Variants in NID2 observed in about 807,000 individuals in gnomAD.
The protein encoded by NID2 is nidogen-2.
Under a neutral mutation model 145.4 loss-of-function variants are expected in NID2, and 83 were observed. That is an observed-to-expected ratio of 0.57 (90% CI 0.48 to 0.69). The LOEUF is 0.69. Among genes scored for constraint, NID2 ranks in the 30% least tolerant of loss-of-function variants. The pLI is 0.00. For missense variants in NID2, 1,807 were observed against 1,765.7 expected, an observed-to-expected ratio of 1.02 and a Z score of -0.42; for synonymous variants, 739 against 701.3, an observed-to-expected ratio of 1.05 and a Z score of -0.85.
In NID2 at chr14:52,054,311, G is replaced by C. The variant is rs1251154377; in HGVS notation, c.778C>G (p.Leu260Val). ...SVKNLYQLSN[L>V]GIPGVWAFHI... is the part of the protein sequence containing the mutation. ...AAAGCCCACACTCCAGGGATCCCCA[G>C]GTTGCTTAGTCTAAATAAAAAGGAA... is the stretch of plus-strand genomic sequence containing the variant. Residue 260 changes from leucine (L) to valine (V), a missense_variant, in exon 4 of 22, where the codon CTG (leucine) becomes GTG (valine). By Grantham distance (32) the Leu-to-Val change is conservative. Coordinates refer to ENST00000216286, the MANE Select transcript of NID2 (RefSeq NM_007361.4). The C allele has an allele frequency of 1.9e-6, 3 of 1,611,478 alleles. No individual in the cohort carries two copies. Among genetic ancestry groups the C allele is most frequent in the Non-Finnish European group, 2.5e-6 (3 of 1,178,224 alleles).
intron 12 of NID2, among the ~76,000 whole-genome samples, chr14:52,021,997 A>G (rs548729460): frequency 3.9e-5 from 6 of 152,330 alleles, no homozygotes; most frequent in Non-Finnish European, 5.9e-5. Context: ...AGCTATTCAC[A>G]ATACGCATGC....
At chr14:52,064,103 C>A (rs1893109328) in intron 2 of NID2, among the ~76,000 whole-genome samples, 1 of 152,112 alleles carries the variant, frequency 6.6e-6, no homozygotes, top group South Asian at 2.1e-4. Flanking sequence ...CTCCAGAAGT[C>A]AAAAAGCTAC....
intron 7 of NID2, 138 bp downstream of exon 7, chr14:52,041,967 G>T: frequency 9.0e-7 from 1 of 1,107,536 alleles, no homozygotes; most frequent in Non-Finnish European, 1.2e-6. Flanking sequence ...CCTGTGGCCA[G>T]AAAACTACAC....
rs1890722030 is a variant in NID2, at chr14:52,005,294, T to TA, written c.*191dup. 2.3e-6 allele frequency: 1 copy of TA among 430,324 alleles called. No individual in the cohort carries two copies. The highest frequency in any genetic ancestry group is 2.0e-5 in the African/African-American group (1 of 49,050). 26.7% of individuals were successfully genotyped at this position (430,324 alleles called of 1,614,324 possible). ...AACTTGCAATAACAACCTTCATTTT[T>TA]AAAAATACAGTAGTAAAGATTGAGG... is the stretch of plus-strand genomic sequence containing the variant. On this transcript the variant is annotated 3_prime_UTR_variant, in exon 22 of 22. Transcript: ENST00000216286.
rs35147930 is a variant in NID2 at position 52,038,828 on chromosome 14, C to A, written c.2176G>T (p.Val726Leu). 3 of 1,613,900 alleles carry A rather than the reference C, an allele frequency of 1.9e-6. No homozygotes were observed. The South Asian group carries it at 3.3e-5, about 18-fold the overall frequency. Residue 726 changes from valine to leucine, a missense_variant, in exon 9 of 22, where the codon GTG (valine) becomes TTG (leucine). Physicochemically the swap from Val to Leu is conservative, Grantham distance 32. Transcript: ENST00000216286. ...TTATACAAGGCAAAGACCCGGTCCA[C>A]GTTCAGCTGCTGGGTGGTGGGGAAG... is the stretch of plus-strand genomic sequence containing the variant. ...PSFPTTQQLNVDRVFALYNDE... is the reference protein window; with the variant it reads ...PSFPTTQQLNLDRVFALYNDE...
chr14:52,027,115 T>TA, intron 12 of NID2, 86 bp downstream of exon 12: 1 of 1,318,554 alleles, frequency 7.6e-7, no homozygotes, highest in South Asian at 2.0e-5. Flanking sequence ...GGAAGTCCTT[T>TA]GTCTTTTCTG....
In NID2 at chr14:52,055,529, G is replaced by A. The variant is rs1001876741; in HGVS notation, c.768-1208C>T. On this transcript the variant is annotated intron_variant, in intron 3 of 21. Coordinates refer to ENST00000216286, the MANE Select transcript of NID2 (RefSeq NM_007361.4). ...AAAGACTTCTGGAAACAGCTCTCTC[G>A]TTTTCTCCATGAGAAAAGAACATGA... 1.1e-4 allele frequency among the ~76,000 whole-genome samples: 16 copies of A among 152,212 alleles called. No individual in the cohort carries two copies. In the South Asian group the frequency reaches 1.5e-3, roughly 14 times the overall value.
intron 9 of NID2, among the ~76,000 whole-genome samples, chr14:52,031,265 G>A (rs35707991): frequency 0.068 from 10,355 of 152,212 alleles, 390 homozygotes; most frequent in Middle Eastern, 0.13. Flanking sequence ...ATAGGAACAT[G>A]TACATCTGCC....
At chr14:52,014,967 A>AT in intron 15 of NID2, 87 bp downstream of exon 15, 1 of 1,084,868 alleles carries the variant, frequency 9.2e-7, no homozygotes, top group South Asian at 1.4e-5. Context: ...GTGACCCCAC[A>AT]TGTCCCCCCA....
chr14:52,054,248 G>C lies in NID2; in HGVS notation c.841C>G (p.Pro281Ala), dbSNP rs1595050901. Reference protein sequence around the residue: ...GSTSPLDNVRPAAVGDLSAAH... With the variant: ...GSTSPLDNVRAAAVGDLSAAH... ...GCGGAAAGGTCTCCAACTGCAGCTG[G>C]CCTGACATTGTCCAACGGGGAAGTG... is the stretch of plus-strand genomic sequence containing the variant. The change falls in exon 4 of 22, where the codon CCA (proline) becomes GCA (alanine). Residue 281 changes from proline (P) to alanine (A), a missense_variant. By Grantham distance (27) the Pro-to-Ala change is conservative (BLOSUM62 -1). Coordinates refer to ENST00000216286, the MANE Select transcript of NID2 (RefSeq NM_007361.4). 1 of 1,614,160 alleles carries C rather than the reference G, an allele frequency of 6.2e-7. No homozygotes were observed. Among genetic ancestry groups the C allele is most frequent in the Non-Finnish European group, 8.5e-7 (1 of 1,180,030 alleles).
chr14:52,045,165 C>T (rs753249934), intron 5 of NID2, among the ~76,000 whole-genome samples: 9 of 152,152 alleles, frequency 5.9e-5, no homozygotes, highest in Non-Finnish European at 1.5e-5. Flanking sequence ...TAATTCGAGT[C>T]ATACTTTATA....
At chr14:52,011,368 T>A (rs1325822718) in intron 17 of NID2, among the ~76,000 whole-genome samples, 186 bp downstream of exon 17, 1 of 152,198 alleles carries the variant, frequency 6.6e-6, no homozygotes, top group African/African-American at 2.4e-5. Flanking sequence ...GAATCACCTA[T>A]TTCATTCCGT....
At position 52,018,147 on chromosome 14, in the gene NID2, CTA is replaced by C. The variant is rs564668076; in HGVS notation, c.3028+912_3028+913del. 6.9e-3 allele frequency among the ~76,000 whole-genome samples: 1,051 copies of C among 152,320 alleles called. 5 individuals are homozygous for C. Among genetic ancestry groups the C allele is most frequent in the Middle Eastern group, 0.017 (5 of 294 alleles). On this transcript the variant is annotated intron_variant, in intron 14 of 21. Transcript: ENST00000216286. ...TTAACACCATTAAAAGGGAAAAAAA[CTA>C]TTGGTAATTCTCCAGTTCTTCTTAC...
chr14:52,066,608 A>G (rs1019727568), intron 2 of NID2, among the ~76,000 whole-genome samples: 4 of 152,214 alleles, frequency 2.6e-5, no homozygotes, highest in Non-Finnish European at 1.5e-5. Flanking sequence ...ATTAAAAAAT[A>G]AAGAGTCCCC....
intron 5 of NID2, among the ~76,000 whole-genome samples, chr14:52,047,335 C>T (rs1025670235): frequency 3.9e-5 from 6 of 151,940 alleles, no homozygotes; most frequent in Admixed American, 2.0e-4. Context: ...TGAGCAGAGG[C>T]CAGGAGGAGG....
At chr14:52,030,598 GAAAGAAAGAGAA>G (rs771241724) in intron 9 of NID2, among the ~76,000 whole-genome samples, 2 of 64,406 alleles carry the variant, frequency 3.1e-5, no homozygotes, top group East Asian at 7.8e-4. Flanking sequence ...AAGAAAGAAA[GAAAGAAAGAGAA>G]AGAAAAAGAA....
chr14:52,060,964 C>T (rs962735564), intron 2 of NID2, among the ~76,000 whole-genome samples: 1 of 152,178 alleles, frequency 6.6e-6, no homozygotes, highest in South Asian at 2.1e-4. Flanking sequence ...GACACAGGGG[C>T]TAACAGGTCT....
At chr14:52,057,480 A>G (rs568004500) in intron 3 of NID2, among the ~76,000 whole-genome samples, 45 of 152,232 alleles carry the variant, frequency 3.0e-4, no homozygotes, top group African/African-American at 1.0e-3. Flanking sequence ...AGGCAGGTGG[A>G]TCACCTGAGG....
chr14:52,060,234 A>T lies in NID2; in HGVS notation c.657T>A (p.Leu219=), dbSNP rs755329552. ...AGAAGCCCACCCGAGCTGGAAGCTG[A>T]AGCTGGACATTGTAAGACTCTTTGG... ...TRPKESYNVQ[L]QLPARVGFCR... The change falls in exon 3 of 22, where the codon CTT becomes CTA. Residue 219 remains leucine, a synonymous_variant. Coordinates refer to ENST00000216286, the MANE Select transcript of NID2 (RefSeq NM_007361.4). The T allele has an allele frequency of 6.2e-7, 1 of 1,614,112 alleles. No individual in the cohort carries two copies. The highest frequency in any genetic ancestry group is 1.1e-5 in the South Asian group (1 of 91,072).
Sources: allele counts gnomAD v4.1 joint callset (sites outside exome capture counted in the v4.1 genomes callset), GRCh38; gene constraint gnomAD v4.1.1; transcripts MANE v1.5; gene names NCBI Gene and HGNC (gene_info 2026-07-23, HGNC 2026-07-21).